Variants in NLGN1 observed in about 807,000 individuals in gnomAD.
NLGN1 encodes the protein neuroligin-1.
Under a neutral mutation model 65.5 loss-of-function variants are expected in NLGN1, and 12 were observed. The observed-to-expected ratio is 0.18, with a 90% CI of 0.12 to 0.30. The LOEUF (loss-of-function observed/expected upper bound fraction) is 0.30. Ranked by LOEUF, NLGN1 falls within the 10% of genes least tolerant of loss-of-function variation. NLGN1 has a pLI of 1.00. For synonymous variants in NLGN1, 350 were observed against 359.5 expected, an observed-to-expected ratio of 0.97 and a Z score of 0.30; for missense variants, 750 against 1,007.1, an observed-to-expected ratio of 0.74 and a Z score of 3.46.
intron 4 of NLGN1, among the ~76,000 whole-genome samples, chr3:173,957,569 A>T (rs1342179597): frequency 6.6e-6 from 1 of 152,208 alleles, no homozygotes; most frequent in African/African-American, 2.4e-5. Context: ...CCTAAACAAT[A>T]ATTTTTAGGC....
intron 4 of NLGN1, among the ~76,000 whole-genome samples, chr3:173,927,912 T>G (rs1743316309): frequency 6.6e-6 from 1 of 151,912 alleles, no homozygotes; most frequent in African/African-American, 2.4e-5. Context: ...GCTCCAAGAG[T>G]CCTTACTTCT....
chr3:173,538,887 G>A (rs1443432905), intron 2 of NLGN1, among the ~76,000 whole-genome samples: 1 of 86,760 alleles, frequency 1.2e-5, no homozygotes, highest in Non-Finnish European at 2.5e-5. Context: ...TTTTTTTTTT[G>A]CTCATTCAGA....
At chr3:173,405,074 C>A (rs905068971) in intron 1 of NLGN1, among the ~76,000 whole-genome samples, 2 of 152,010 alleles carry the variant, frequency 1.3e-5, no homozygotes, top group African/African-American at 4.8e-5. Flanking sequence ...AAAATTTATC[C>A]TATTCAGAAC....
At chr3:173,879,576 A>G (rs922081988) in intron 4 of NLGN1, among the ~76,000 whole-genome samples, 24 of 151,652 alleles carry the variant, frequency 1.6e-4, no homozygotes, top group African/African-American at 5.8e-4. Flanking sequence ...CATGTGGGTC[A>G]CTTTAGAATC....
rs150371778 is a variant in NLGN1 at position 174,107,139 on chromosome 3, G to A, written c.647-168176G>A. Among the ~76,000 whole-genome samples, 430 of 151,558 alleles carry A rather than the reference G, an allele frequency of 2.8e-3. 1 individual carries two copies. Among genetic ancestry groups the A allele is most frequent in the Non-Finnish European group, 5.1e-3 (349 of 67,926 alleles). On this transcript the variant is annotated intron_variant, in intron 4 of 6. Transcript: ENST00000457714. ...CAAAGGTCTTATGTTGCCTTTACCC[G>A]GTTTCACAATGATAACGTATTGTGA...
chr3:173,652,711 T>C (rs1759397565), intron 3 of NLGN1, among the ~76,000 whole-genome samples: 1 of 152,226 alleles, frequency 6.6e-6, no homozygotes, highest in Admixed American at 6.5e-5. Flanking sequence ...TTGCTTAGGG[T>C]TGCTTTGGCT....
chr3:173,605,006 T>C, exon 3 of NLGN1: 2 of 1,613,506 alleles, frequency 1.2e-6, no homozygotes, highest in Non-Finnish European at 1.7e-6. Flanking sequence ...TGTGGTTTAC[T>C]AATAACTTGG....
At chr3:173,433,603 G>C (rs1438678258) in intron 1 of NLGN1, among the ~76,000 whole-genome samples, 1 of 152,092 alleles carries the variant, frequency 6.6e-6, no homozygotes, top group African/African-American at 2.4e-5. Flanking sequence ...ATTTTTGCTT[G>C]TATGGTGCAT....
chr3:173,865,773 G>T (rs1386546961), intron 4 of NLGN1, among the ~76,000 whole-genome samples: 3 of 152,168 alleles, frequency 2.0e-5, no homozygotes, highest in African/African-American at 7.2e-5. Context: ...GCTTCAAAAT[G>T]AATGATCCGA....
chr3:174,235,737 T>G (rs892554131), intron 4 of NLGN1, among the ~76,000 whole-genome samples: 32 of 152,264 alleles, frequency 2.1e-4, no homozygotes, highest in African/African-American at 7.5e-4. Context: ...TGTTATAGAT[T>G]TAGTAAAATC....
chr3:173,813,876 TTTC>T (rs1464567278), intron 4 of NLGN1, among the ~76,000 whole-genome samples: 1 of 152,272 alleles, frequency 6.6e-6, no homozygotes, highest in Non-Finnish European at 1.5e-5. Flanking sequence ...ATGGGTTGTA[TTTC>T]TTCTATTTGA....
At chr3:173,420,923 A>G (rs1179191000) in intron 1 of NLGN1, among the ~76,000 whole-genome samples, 1 of 152,176 alleles carries the variant, frequency 6.6e-6, no homozygotes, top group Non-Finnish European at 1.5e-5. Context: ...TGAAAATGCT[A>G]CATTGTTTTA....
At chr3:174,022,839 G>C (rs1728033325) in intron 4 of NLGN1, among the ~76,000 whole-genome samples, 1 of 152,066 alleles carries the variant, frequency 6.6e-6, no homozygotes, top group Non-Finnish European at 1.5e-5. Context: ...GGACCAAAAG[G>C]GGACACAAAG....
At chr3:173,807,715 G>A (rs1434175690) in exon 4 of NLGN1, 5 of 1,613,724 alleles carry the variant, frequency 3.1e-6, no homozygotes, top group East Asian at 2.2e-5. Flanking sequence ...ACCAGTGATG[G>A]TGTATATCCA....
At chr3:173,468,928 A>T (rs1724845187) in intron 2 of NLGN1, among the ~76,000 whole-genome samples, 1 of 152,072 alleles carries the variant, frequency 6.6e-6, no homozygotes, top group Non-Finnish European at 1.5e-5. Context: ...AACTGATCTG[A>T]CTTGGTGTGT....
intron 4 of NLGN1, among the ~76,000 whole-genome samples, chr3:173,908,403 C>T (rs35198830): frequency 0.19 from 29,075 of 152,086 alleles, 3,133 homozygotes; most frequent in African/African-American, 0.28. Context: ...AAAATGTTTG[C>T]ATTTTCAAAC....
chr3:173,489,829 T>C (rs903412041), intron 2 of NLGN1, among the ~76,000 whole-genome samples: 1 of 152,108 alleles, frequency 6.6e-6, no homozygotes, highest in Non-Finnish European at 1.5e-5. Flanking sequence ...ATTTCTCTGA[T>C]GGCCAGTGAT....
chr3:173,441,044 C>T (rs535889288), intron 2 of NLGN1, among the ~76,000 whole-genome samples: 27 of 152,304 alleles, frequency 1.8e-4, no homozygotes, highest in African/African-American at 6.0e-4. Flanking sequence ...TGCACTTTTA[C>T]GTTATAGGAA....
intron 3 of NLGN1, among the ~76,000 whole-genome samples, chr3:173,634,920 G>A (rs762661561): frequency 1.3e-5 from 2 of 152,084 alleles, no homozygotes; most frequent in African/African-American, 2.4e-5. Flanking sequence ...CTAAGTAGGC[G>A]TGTAACAGAC....
Sources: allele counts gnomAD v4.1 joint callset (sites outside exome capture counted in the v4.1 genomes callset), GRCh38; gene constraint gnomAD v4.1.1; transcripts MANE v1.5; gene names NCBI Gene and HGNC (gene_info 2026-07-23, HGNC 2026-07-21).